ROBO2: variants seen among roughly 807,000 people sequenced by gnomAD.
The protein encoded by ROBO2 is roundabout guidance receptor 2, also known as roundabout homolog 2.
Under a neutral mutation model 160.8 loss-of-function variants are expected in ROBO2, and 53 were observed. That is an observed-to-expected ratio of 0.33 (90% CI 0.26 to 0.41). ROBO2 has a LOEUF of 0.41. Ranked by LOEUF, ROBO2 falls within the 10% of genes least tolerant of loss-of-function variation. The pLI is 1.00. For missense variants in ROBO2, 1,577 were observed against 1,722.4 expected (o/e 0.92, Z 1.49); for synonymous variants, 664 against 611.7 (o/e 1.09, Z -1.26).
At chr3:76,366,746 C>G (rs2075830785) in intron 2 of ROBO2, among the ~76,000 whole-genome samples, 1 of 151,866 alleles carries the variant, frequency 6.6e-6, no homozygotes, top group African/African-American at 2.4e-5. Context: ...AAAGATTATT[C>G]TATGTATGAT....
intron 2 of ROBO2, among the ~76,000 whole-genome samples, chr3:77,005,458 G>C (rs1486375753): frequency 6.6e-6 from 1 of 152,208 alleles, no homozygotes; most frequent in African/African-American, 2.4e-5. Context: ...TGTAAAGACA[G>C]ATCATCGTTC....
intron 2 of ROBO2, among the ~76,000 whole-genome samples, chr3:77,428,792 T>C (rs1323820943): frequency 1.3e-5 from 2 of 152,226 alleles, no homozygotes; most frequent in Non-Finnish European, 2.9e-5. Flanking sequence ...AGTAGTCATG[T>C]TGATCTATTG....
chr3:77,296,637 G>T (rs1385550776), intron 2 of ROBO2, among the ~76,000 whole-genome samples: 1 of 152,104 alleles, frequency 6.6e-6, no homozygotes, highest in Admixed American at 6.6e-5. Flanking sequence ...CCAGGTGATT[G>T]TGATGCATAG....
chr3:76,380,054 G>T (rs2076540983), intron 2 of ROBO2, among the ~76,000 whole-genome samples: 1 of 151,632 alleles, frequency 6.6e-6, no homozygotes, highest in African/African-American at 2.4e-5. Context: ...AAAAATCATT[G>T]ACAGATTTAA....
intron 2 of ROBO2, among the ~76,000 whole-genome samples, chr3:76,624,371 T>C (rs1395520220): frequency 6.6e-6 from 1 of 152,174 alleles, no homozygotes; most frequent in Non-Finnish European, 1.5e-5. Context: ...TCAAGTCACA[T>C]GAGTATGTTT....
chr3:77,455,737 CTT>C (rs11342818), intron 2 of ROBO2, among the ~76,000 whole-genome samples: 356 of 146,088 alleles, frequency 2.4e-3, no homozygotes, highest in Non-Finnish European at 2.6e-3. Context: ...GCCTTATACT[CTT>C]TTTTTTTTTT....
rs1056541022 is a variant in ROBO2 at position 76,188,342 on chromosome 3, A to G, written c.109+250740A>G. On this transcript the variant is annotated intron_variant, in intron 2 of 26. Transcript: ENST00000487694. ...TTTGAACACAGAGACAGACACATACAGAAAAAAAGATGAAGATGATGTAAA... is the reference window on the plus strand; with the variant it reads ...TTTGAACACAGAGACAGACACATACGGAAAAAAAGATGAAGATGATGTAAA... 5.3e-5 allele frequency among the ~76,000 whole-genome samples: 8 copies of G among 152,222 alleles called. No homozygotes were observed. The East Asian group carries it at 1.5e-3, about 29-fold the overall frequency.
intron 2 of ROBO2, among the ~76,000 whole-genome samples, chr3:77,112,267 G>A (rs973191822): frequency 1.5e-4 from 22 of 150,768 alleles, no homozygotes; most frequent in East Asian, 2.0e-4. Flanking sequence ...CGCAGGGGCC[G>A]GAGTCTCGCC....
At chr3:77,081,481 A>G (rs1234294976) in intron 1 of ROBO2, among the ~76,000 whole-genome samples, 1 of 152,194 alleles carries the variant, frequency 6.6e-6, no homozygotes, top group African/African-American at 2.4e-5. Flanking sequence ...ACTTCTGGAG[A>G]CTAACGTGAT....
At chr3:76,834,070 C>CTT (rs779006045) in intron 2 of ROBO2, among the ~76,000 whole-genome samples, 3 of 95,732 alleles carry the variant, frequency 3.1e-5, no homozygotes, top group South Asian at 3.8e-4. Flanking sequence ...TCTTTTCTTT[C>CTT]TTTCTTTCTT....
At chr3:76,360,063 A>G (rs923638673) in intron 2 of ROBO2, among the ~76,000 whole-genome samples, 1 of 152,188 alleles carries the variant, frequency 6.6e-6, no homozygotes, top group African/African-American at 2.4e-5. Context: ...GTAGTTCTCT[A>G]TGAAGTTGCA....
chr3:76,968,402 C>A (rs1382140395), intron 2 of ROBO2, among the ~76,000 whole-genome samples: 5 of 152,076 alleles, frequency 3.3e-5, no homozygotes. Flanking sequence ...TTGTGTGGAG[C>A]TCTCACAATG....
intron 2 of ROBO2, among the ~76,000 whole-genome samples, chr3:76,862,710 G>A (rs2070924905): frequency 6.6e-6 from 1 of 152,110 alleles, no homozygotes; most frequent in Non-Finnish European, 1.5e-5. Context: ...TGGGGAATGT[G>A]AGACTGACCT....
chr3:76,474,051 A>C (rs1219061328), intron 2 of ROBO2, among the ~76,000 whole-genome samples: 4 of 152,164 alleles, frequency 2.6e-5, no homozygotes, highest in Non-Finnish European at 4.4e-5. Flanking sequence ...GAAAAAAAGA[A>C]AGGAAGAAGG....
intron 1 of ROBO2, among the ~76,000 whole-genome samples, chr3:77,089,205 T>G (rs1383949191): frequency 6.6e-6 from 1 of 152,216 alleles, no homozygotes; most frequent in East Asian, 1.9e-4. Context: ...AAAGTCATCC[T>G]GAAAACAGAG....
chr3:77,578,033 G>A (rs562909352), intron 15 of ROBO2, among the ~76,000 whole-genome samples: 1 of 152,006 alleles, frequency 6.6e-6, no homozygotes, highest in South Asian at 2.1e-4. Flanking sequence ...GGTGGAGTGG[G>A]TTGTGGCAGC....
At chr3:76,756,799 C>A (rs2060999399) in intron 2 of ROBO2, among the ~76,000 whole-genome samples, 1 of 151,794 alleles carries the variant, frequency 6.6e-6, no homozygotes, top group African/African-American at 2.4e-5. Flanking sequence ...GAAGACACGC[C>A]CTGCCTTCCC....
At chr3:76,478,849 T>C (rs964443577) in intron 2 of ROBO2, among the ~76,000 whole-genome samples, 13 of 152,098 alleles carry the variant, frequency 8.5e-5, no homozygotes, top group African/African-American at 3.1e-4. Context: ...ATTTATTTTC[T>C]GTAGAGTTGG....
chr3:77,502,248 G>T (rs1165649573), intron 5 of ROBO2, among the ~76,000 whole-genome samples: 1 of 152,068 alleles, frequency 6.6e-6, no homozygotes, highest in Non-Finnish European at 1.5e-5. Flanking sequence ...ATAAGGAAAA[G>T]ACAGCCTAGC....
Sources: gnomAD v4.1 joint callset for allele counts (sites outside exome capture counted in the v4.1 genomes callset) on GRCh38, gnomAD v4.1.1 for gene constraint, MANE v1.5 for transcripts, NCBI Gene and HGNC (gene_info 2026-07-23, HGNC 2026-07-21) for gene names.